The following PNPLA8 variants were observed in gnomAD, a reference collection of about 807,000 sequenced individuals.
PNPLA8 encodes patatin like domain 8, phospholipase A2.
Under a neutral mutation model 76.9 loss-of-function variants are expected in PNPLA8, and 39 were observed. That is an observed-to-expected ratio of 0.51 (90% CI 0.39 to 0.66). The LOEUF is 0.66. PNPLA8 is among the 30% of genes least tolerant of loss of function. The pLI, the probability that PNPLA8 is intolerant of heterozygous loss-of-function variation, is 0.00. For synonymous variants in PNPLA8, 301 were observed against 307.9 expected, an observed-to-expected ratio of 0.98 and a Z score of 0.24; for missense variants, 887 against 918.0, an observed-to-expected ratio of 0.97 and a Z score of 0.44.
upstream of PNPLA8, among the ~76,000 whole-genome samples, chr7:108,526,845 C>G (rs1448679682): frequency 6.6e-6 from 1 of 152,184 alleles, no homozygotes; most frequent in Non-Finnish European, 1.5e-5. Flanking sequence ...GCAGGTTCTG[C>G]TGTACTAGGA....
intron 4 of PNPLA8, chr7:108,510,796 T>G: frequency 6.2e-7 from 1 of 1,601,372 alleles, no homozygotes; most frequent in South Asian, 1.1e-5. Context: ...GCATGGAGGA[T>G]CTGATTCATG....
chr7:108,484,610 T>C (rs982654241), intron 9 of PNPLA8, among the ~76,000 whole-genome samples: 4 of 152,140 alleles, frequency 2.6e-5, no homozygotes, highest in African/African-American at 9.7e-5. Flanking sequence ...CCTCATCCCA[T>C]TTTCTATCCC....
chr7:108,479,399 A>C lies in PNPLA8; in HGVS notation c.1879-20T>G. The C allele has an allele frequency of 3.8e-6, 6 of 1,567,802 alleles. No individual in the cohort carries two copies. In the South Asian group the frequency reaches 6.9e-5, roughly 18 times the overall value. ...TCCATCCTGCAAAATACAAGTTAAA[A>C]AAAGAAACTTTTAAAACTGACTCAC... On this transcript the variant is annotated intron_variant, in intron 9 of 10. Coordinates refer to ENST00000257694, the MANE Select transcript of PNPLA8 (RefSeq NM_001256007.3).
chr7:108,522,857 A>C (rs1055664373), intron 1 of PNPLA8, among the ~76,000 whole-genome samples: 2 of 152,268 alleles, frequency 1.3e-5, no homozygotes, highest in Non-Finnish European at 1.5e-5. Flanking sequence ...AGACAATTTC[A>C]TAATCATGAG....
At chr7:108,495,937 T>C (rs909189940) in intron 7 of PNPLA8, among the ~76,000 whole-genome samples, 24 of 152,234 alleles carry the variant, frequency 1.6e-4, no homozygotes, top group Admixed American at 3.3e-4. Flanking sequence ...AGGAGATATA[T>C]TAAAGTCTAC....
chr7:108,481,246 A>G (rs1860374017), intron 9 of PNPLA8, among the ~76,000 whole-genome samples: 1 of 152,218 alleles, frequency 6.6e-6, no homozygotes, highest in Non-Finnish European at 1.5e-5. Context: ...TCGTTGGAGC[A>G]TATGGTAAGT....
intron 5 of PNPLA8, among the ~76,000 whole-genome samples, chr7:108,499,931 A>G (rs1307499914): frequency 6.6e-6 from 1 of 152,142 alleles, no homozygotes; most frequent in East Asian, 1.9e-4. Context: ...TCTCTACATA[A>G]ATATAACTTC....
At chr7:108,518,248 C>T (rs947735099) in intron 2 of PNPLA8, 2 of 152,182 alleles carry the variant, frequency 1.3e-5, no homozygotes, top group South Asian at 2.1e-4. Context: ...GAGGCACAAA[C>T]ATTCGGACCA....
At chr7:108,517,472 T>G (rs901653066) in intron 2 of PNPLA8, among the ~76,000 whole-genome samples, 8 of 152,232 alleles carry the variant, frequency 5.3e-5, no homozygotes, top group African/African-American at 1.9e-4. Flanking sequence ...AGAAGCCTTA[T>G]TCATAATTGC....
At chr7:108,511,368 T>C (rs1436983557) in intron 4 of PNPLA8, among the ~76,000 whole-genome samples, 2 of 152,222 alleles carry the variant, frequency 1.3e-5, no homozygotes, top group Admixed American at 6.5e-5. Context: ...GCATTACTAA[T>C]GGTTGTTCAA....
intron 2 of PNPLA8, among the ~76,000 whole-genome samples, chr7:108,519,575 T>G (rs1253761724): frequency 1.3e-5 from 2 of 152,182 alleles, no homozygotes; most frequent in Non-Finnish European, 1.5e-5. Flanking sequence ...TCCTTCCTTC[T>G]AAATTGCATG....
intron 9 of PNPLA8, among the ~76,000 whole-genome samples, chr7:108,483,681 T>C (rs990960964): frequency 5.9e-5 from 9 of 152,232 alleles, no homozygotes; most frequent in African/African-American, 2.2e-4. Context: ...AATTTAGCTA[T>C]CTTTATACAT....
chr7:108,485,547 T>A (rs1860686664), intron 9 of PNPLA8, among the ~76,000 whole-genome samples: 1 of 152,162 alleles, frequency 6.6e-6, no homozygotes, highest in Admixed American at 6.5e-5. Flanking sequence ...ATGAGACTGG[T>A]AATAATTGAA....
rs532677632 is a variant in PNPLA8 at position 108,488,999 on chromosome 7, G to A, written c.1684-1046C>T. On this transcript the variant is annotated intron_variant, in intron 8 of 10. Transcript: ENST00000257694. ...TGTCTCTAGGCCACTATGGATAGGC[G>A]TTGGCCATATACTAAAATCCAGAGT... 3.3e-5 allele frequency among the ~76,000 whole-genome samples: 5 copies of A among 152,304 alleles called. No individual in the cohort carries two copies. In the East Asian group the frequency reaches 5.8e-4, roughly 18 times the overall value.
rs905577323 is a variant in PNPLA8 at position 108,520,979 on chromosome 7, C to T, written c.-84+497G>A. Among the ~76,000 whole-genome samples, 3 of 151,836 alleles carry T rather than the reference C, an allele frequency of 2.0e-5. No homozygotes were observed. The East Asian group carries it at 5.8e-4, about 29-fold the overall frequency. Reference sequence around the variant, plus strand: ...AAAAAATCTCCAGGTTTAAGAGGACCCACAGGCCTGGAACAGCAGTCATAC... The same window carrying T: ...AAAAAATCTCCAGGTTTAAGAGGACTCACAGGCCTGGAACAGCAGTCATAC... On this transcript the variant is annotated intron_variant, in intron 2 of 10. Coordinates refer to ENST00000257694, the MANE Select transcript of PNPLA8 (RefSeq NM_001256007.3).
rs545546726 is a variant in PNPLA8, at chr7:108,502,250, C to T, written c.1358+241G>A. On this transcript the variant is annotated intron_variant, in intron 5 of 10. Transcript: ENST00000257694. Reference sequence around the variant, plus strand: ...CTGGCGTCAGGAGTTTGAGACCAACCTGGCCAATATGGTGAAACCCTGTCT... The same window carrying T: ...CTGGCGTCAGGAGTTTGAGACCAACTTGGCCAATATGGTGAAACCCTGTCT... Among the ~76,000 whole-genome samples, 11 of 151,870 alleles carry T rather than the reference C, an allele frequency of 7.2e-5. No homozygotes were observed. The South Asian group carries it at 2.3e-3, about 32-fold the overall frequency.
Position 108,514,725 on chromosome 7 carries a change from T to C in PNPLA8, c.767A>G (p.Tyr256Cys), listed in dbSNP as rs1005830372. 3 of 1,613,834 alleles carry C rather than the reference T, an allele frequency of 1.9e-6. No individual in the cohort carries two copies. The highest frequency in any genetic ancestry group is 8.5e-7 in the Non-Finnish European group (1 of 1,179,882). ...ATGTACAGATTCTGAGCCTGGCTTATAAGCCAGGATGCCAGGATCTGGAGA... is the reference window on the plus strand; with the variant it reads ...ATGTACAGATTCTGAGCCTGGCTTACAAGCCAGGATGCCAGGATCTGGAGA... ...LRSPDPGILA[Y>C]KPGSESVHTV... Residue 256 changes from tyrosine (Y) to cysteine (C), a missense_variant, in exon 3 of 11, where the codon TAT becomes TGT. By Grantham distance (194) the Tyr-to-Cys change is radical (BLOSUM62 -2). Transcript: ENST00000257694.
At chr7:108,510,435 T>A in intron 4 of PNPLA8, 1 of 1,485,846 alleles carries the variant, frequency 6.7e-7, no homozygotes, top group South Asian at 1.1e-5. Flanking sequence ...AGAACTGAAA[T>A]TCGAATGGCG....
intron 5 of PNPLA8, among the ~76,000 whole-genome samples, chr7:108,500,231 T>A (rs1381125114): frequency 6.6e-6 from 1 of 152,212 alleles, no homozygotes; most frequent in East Asian, 1.9e-4. Context: ...AGAGGATTCC[T>A]TCTGCTCCTT....
Sources: gnomAD v4.1 joint callset for allele counts (sites outside exome capture counted in the v4.1 genomes callset) on GRCh38, gnomAD v4.1.1 for gene constraint, MANE v1.5 for transcripts, NCBI Gene and HGNC (gene_info 2026-07-23, HGNC 2026-07-21) for gene names.